RAD23A: variants seen among roughly 807,000 people sequenced by gnomAD.
The protein encoded by RAD23A is lysine-specific demethylase RAD23A.
In RAD23A, 16 loss-of-function variants were observed where a neutral mutation model predicts 44.8. The observed-to-expected ratio is 0.36, with a 90% confidence interval of 0.24 to 0.54. RAD23A has a LOEUF of 0.54. Among genes scored for constraint, RAD23A ranks in the 20% least tolerant of loss-of-function variants. RAD23A has a pLI of 0.89. For synonymous variants in RAD23A, 217 were observed against 202.9 expected (o/e 1.07, Z -0.59); for missense variants, 380 against 483.3 (o/e 0.79, Z 2.00).
rs778120001 is a variant in RAD23A, at chr19:12,952,735, C to G, written c.860C>G (p.Pro287Arg). 7 of 1,612,842 alleles carry G rather than the reference C, an allele frequency of 4.3e-6. No individual in the cohort carries two copies. Among genetic ancestry groups the G allele is most frequent in the Non-Finnish European group, 5.1e-6 (6 of 1,179,784 alleles). Residue 287 changes from proline to arginine, a missense_variant, in exon 8 of 9, where the codon CCC (proline) becomes CGC (arginine). Transcript: ENST00000586534. Reference protein sequence around the residue: ...QEQFIQMLNEPPGELADISDV... With the variant: ...QEQFIQMLNERPGELADISDV... Reference sequence around the variant, plus strand: ...CAGTTCATCCAGATGCTGAACGAGCCCCCTGGGGAGCTGGCGGACATCTCA... The same window carrying G: ...CAGTTCATCCAGATGCTGAACGAGCGCCCTGGGGAGCTGGCGGACATCTCA...
chr19:12,945,943 C>A lies in RAD23A; in HGVS notation c.-6C>A, dbSNP rs767527453. The A allele has an allele frequency of 1.2e-6, 2 of 1,607,084 alleles. No individual in the cohort carries two copies. The highest frequency in any genetic ancestry group is 4.5e-5 in the East Asian group (2 of 44,054). ...CCCGGGGCCGCCGCGTCGCTCGGGC[C>A]CCGCCATGGCCGTCACCATCACGCT... On this transcript the variant is annotated 5_prime_UTR_variant, in exon 1 of 9. Transcript: ENST00000586534.
intron 7 of RAD23A, chr19:12,949,692 T>C: frequency 2.0e-6 from 1 of 492,088 alleles, no homozygotes; most frequent in Non-Finnish European, 3.7e-6. Context: ...TGGTAGTGTG[T>C]GTGTCTGCCT....
chr19:12,945,868 C>T lies in RAD23A; in HGVS notation c.-81C>T. Reference sequence around the variant, plus strand: ...GAAGTGGTCGGCGCGCGGCGCGGCGCGCCTGGGCGCTAAGATGGCGGCGGC... The same window carrying T: ...GAAGTGGTCGGCGCGCGGCGCGGCGTGCCTGGGCGCTAAGATGGCGGCGGC... On this transcript the variant is annotated 5_prime_UTR_variant, in exon 1 of 9. Transcript: ENST00000586534. 6.7e-7 allele frequency: 1 copy of T among 1,483,526 alleles called. No homozygotes were observed. The highest frequency in any genetic ancestry group is 9.2e-7 in the Non-Finnish European group (1 of 1,081,238). 91.9% of individuals were successfully genotyped at this position (1,483,526 alleles called of 1,614,324 possible).
Position 12,953,186 on chromosome 19 carries a change from C to T in RAD23A, c.*137C>T, listed in dbSNP as rs935530546. The T allele has an allele frequency of 4.7e-6, 3 of 640,224 alleles. No individual in the cohort carries two copies. Among genetic ancestry groups the T allele is most frequent in the Non-Finnish European group, 5.0e-6 (2 of 398,782 alleles). 39.7% of individuals were successfully genotyped at this position (640,224 alleles called of 1,614,324 possible). On this transcript the variant is annotated 3_prime_UTR_variant, in exon 9 of 9. Transcript: ENST00000586534. ...CAAAAATCTTAAAAAAACAAGCAAACAGTCCAGCTTCCTGTCCTCCTAAAG... is the reference window on the plus strand; with the variant it reads ...CAAAAATCTTAAAAAAACAAGCAAATAGTCCAGCTTCCTGTCCTCCTAAAG...
At chr19:12,950,672 A>G (rs767747595) in intron 7 of RAD23A, among the ~76,000 whole-genome samples, 1 of 152,118 alleles carries the variant, frequency 6.6e-6, no homozygotes, top group Non-Finnish European at 1.5e-5. Flanking sequence ...AAGTGCTGCA[A>G]TTACAGGCAT....
chr19:12,947,768 C>A, intron 1 of RAD23A, 80 bp from the exon 2 acceptor site: 1 of 1,416,784 alleles, frequency 7.1e-7, no homozygotes, highest in Non-Finnish European at 9.8e-7. Flanking sequence ...GCCATCAGGG[C>A]TGGCAGTTTC....
Position 12,948,027 on chromosome 19 carries a change from G to C in RAD23A, c.234+18G>C. 1 of 1,611,956 alleles carries C rather than the reference G, an allele frequency of 6.2e-7. No individual in the cohort carries two copies. The highest frequency in any genetic ancestry group is 8.5e-7 in the Non-Finnish European group (1 of 1,179,282). On this transcript the variant is annotated intron_variant, in intron 2 of 8. Coordinates refer to ENST00000586534, the MANE Select transcript of RAD23A (RefSeq NM_005053.4). This position sits in a 1 kb window ranked among gnomAD's most constrained non-coding sequence, Gnocchi z 5.5. ...TGACCAAGGTGGGTGACGTGTGCTG[G>C]CTGGGAGGGTGGGTGGACGAGCTGG...
At position 12,945,929 on chromosome 19, in the gene RAD23A, C is replaced by G. The variant is rs1350517108; in HGVS notation, c.-20C>G. 4 of 1,606,794 alleles carry G rather than the reference C, an allele frequency of 2.5e-6. No individual in the cohort carries two copies. Among genetic ancestry groups the G allele is most frequent in the East Asian group, 2.3e-5 (1 of 44,216 alleles). Reference sequence around the variant, plus strand: ...TGTTGTGTGAGGATCCCGGGGCCGCCGCGTCGCTCGGGCCCCGCCATGGCC... The same window carrying G: ...TGTTGTGTGAGGATCCCGGGGCCGCGGCGTCGCTCGGGCCCCGCCATGGCC... On this transcript the variant is annotated 5_prime_UTR_variant, in exon 1 of 9. Transcript: ENST00000586534.
chr19:12,951,496 G>T lies in RAD23A; in HGVS notation c.814-1193G>T, dbSNP rs1354179720. On this transcript the variant is annotated intron_variant, in intron 7 of 8. Transcript: ENST00000586534. ...AGTTTCGCTCTTGTTGCCCAGGCTGGAGTGCAGTGGCGTGATCTCAGCTCA... is the reference window on the plus strand; with the variant it reads ...AGTTTCGCTCTTGTTGCCCAGGCTGTAGTGCAGTGGCGTGATCTCAGCTCA... 2.6e-5 allele frequency among the ~76,000 whole-genome samples: 4 copies of T among 152,138 alleles called. No individual in the cohort carries two copies. The East Asian group carries it at 7.7e-4, about 29-fold the overall frequency.
chr19:12,946,875 C>A (rs1344222710), intron 1 of RAD23A, among the ~76,000 whole-genome samples: 1 of 152,128 alleles, frequency 6.6e-6, no homozygotes, highest in Admixed American at 6.6e-5. Context: ...GGCAAGTTAA[C>A]CTGCCTACCT....
chr19:12,951,466 G>C (rs1168056821), intron 7 of RAD23A, among the ~76,000 whole-genome samples: 1 of 151,746 alleles, frequency 6.6e-6, no homozygotes, highest in Non-Finnish European at 1.5e-5. Flanking sequence ...TTGTTTTTGA[G>C]ATGGAGTTTC....
chr19:12,947,919 C>T lies in RAD23A; in HGVS notation c.144C>T (p.Leu48=). The change falls in exon 2 of 9, where the codon CTC becomes CTT. Residue 48 remains leucine, a synonymous_variant. Coordinates refer to ENST00000586534, the MANE Select transcript of RAD23A (RefSeq NM_005053.4). ...CCTTCCCCGTGGCTGGACAGAAACT[C>T]ATCTATGCCGGCAAGATCTTGAGTG... is the stretch of plus-strand genomic sequence containing the variant. ...RDAFPVAGQK[L]IYAGKILSDD... 6.2e-7 allele frequency: 1 copy of T among 1,614,024 alleles called. No homozygotes were observed. Among genetic ancestry groups the T allele is most frequent in the Non-Finnish European group, 8.5e-7 (1 of 1,180,020 alleles).
chr19:12,949,220 G>T (rs778581794), intron 6 of RAD23A, 55 bp from the exon 7 acceptor site: 2 of 1,613,952 alleles, frequency 1.2e-6, no homozygotes, highest in Non-Finnish European at 1.7e-6. Context: ...ACTCCACCCC[G>T]CAGTGCTCCT....
At chr19:12,952,594 G>T in intron 7 of RAD23A, 95 bp from the exon 8 acceptor site, 1 of 1,383,546 alleles carries the variant, frequency 7.2e-7, no homozygotes, top group East Asian at 2.4e-5. Flanking sequence ...CTGGATATTT[G>T]CCTGACTGAA....
chr19:12,951,958 T>A (rs1971823793), intron 7 of RAD23A, among the ~76,000 whole-genome samples: 1 of 152,208 alleles, frequency 6.6e-6, no homozygotes, highest in South Asian at 2.1e-4. Context: ...TTTGAGAGTC[T>A]CTTGCCCAGG....
chr19:12,948,878 G>C lies in RAD23A; in HGVS notation c.600+65G>C. 1 of 1,556,624 alleles carries C rather than the reference G, an allele frequency of 6.4e-7. No individual in the cohort carries two copies. Among genetic ancestry groups the C allele is most frequent in the Non-Finnish European group, 8.7e-7 (1 of 1,154,048 alleles). ...AGTACCCGGGCGTCACTGCCCTGAT[G>C]GGCGGTTGGGAAGGCAAAACCTGCC... On this transcript the variant is annotated intron_variant, in intron 5 of 8. Coordinates refer to ENST00000586534, the MANE Select transcript of RAD23A (RefSeq NM_005053.4). This position sits in a 1 kb window ranked among gnomAD's most constrained non-coding sequence, Gnocchi z 5.5.
chr19:12,946,073 G>GT, intron 1 of RAD23A, 53 bp downstream of exon 1: 5 of 1,294,488 alleles, frequency 3.9e-6, no homozygotes, highest in East Asian at 5.4e-5. Context: ...CGGGGGTGGG[G>GT]TGGGGGCGGG....
chr19:12,949,615 A>G (rs1971753429), intron 7 of RAD23A: 3 of 609,114 alleles, frequency 4.9e-6, no homozygotes, highest in East Asian at 2.8e-5. Flanking sequence ...GGTGCTGTCA[A>G]CATCACCTCC....
intron 1 of RAD23A, among the ~76,000 whole-genome samples, chr19:12,947,423 CTTAAAA>C (rs1480456825): frequency 6.6e-6 from 1 of 152,208 alleles, no homozygotes; most frequent in Non-Finnish European, 1.5e-5. Context: ...GATCCTGCCT[CTTAAAA>C]TTAAAAAATA....
Sources: gnomAD v4.1 joint callset for allele counts (sites outside exome capture counted in the v4.1 genomes callset) on GRCh38, gnomAD v4.1.1 for gene constraint, Gnocchi (gnomAD v3.1) non-coding constraint, MANE v1.5 for transcripts, NCBI Gene and HGNC (gene_info 2026-07-23, HGNC 2026-07-21) for gene names.